The following EEPD1 variants were observed in gnomAD, a reference collection of about 807,000 sequenced individuals.
The protein encoded by EEPD1 is endonuclease/exonuclease/phosphatase family domain containing 1.
In EEPD1, 17 loss-of-function variants were observed where a neutral mutation model predicts 46.3. The observed-to-expected ratio is 0.37, with a 90% CI of 0.25 to 0.55. The LOEUF (loss-of-function observed/expected upper bound fraction) is 0.55. Ranked by LOEUF, EEPD1 falls within the 20% of genes least tolerant of loss-of-function variation. The pLI, the probability that EEPD1 is intolerant of heterozygous loss-of-function variation, is 0.83. For missense variants in EEPD1, 673 were observed against 745.6 expected, an observed-to-expected ratio of 0.90 and a Z score of 1.13; for synonymous variants, 313 against 315.6, an observed-to-expected ratio of 0.99 and a Z score of 0.09.
chr7:36,219,775 A>AAGAG (rs752270283), intron 2 of EEPD1, among the ~76,000 whole-genome samples: 25 of 119,004 alleles, frequency 2.1e-4, no homozygotes, highest in African/African-American at 8.3e-4. Flanking sequence ...GAGAGAGAGA[A>AAGAG]AGAGAGAGAG....
At position 36,154,690 on chromosome 7, in the gene EEPD1, G is replaced by A. The variant is rs760636764; in HGVS notation, c.366G>A (p.Gln122=). 1 of 1,613,510 alleles carries A rather than the reference G, an allele frequency of 6.2e-7. No homozygotes were observed. Among genetic ancestry groups the A allele is most frequent in the Non-Finnish European group, 8.5e-7 (1 of 1,179,952 alleles). Reference sequence around the variant, plus strand: ...TGCGGCGGGACCTGCTAGCGGAGCAGCAGCCTCACCACCTGGCCACAGCTG... The same window carrying A: ...TGCGGCGGGACCTGCTAGCGGAGCAACAGCCTCACCACCTGGCCACAGCTG... ...SSLRRDLLAE[Q]QPHHLATAVP... Residue 122 remains glutamine (Q), a synonymous_variant, in exon 2 of 8, where the codon CAG becomes CAA. Coordinates refer to ENST00000242108, the MANE Select transcript of EEPD1 (RefSeq NM_030636.3). The surrounding 1 kb of genome is among the most constrained non-coding windows in gnomAD (Gnocchi z 4.2).
chr7:36,172,711 C>T (rs1184225904), intron 2 of EEPD1, among the ~76,000 whole-genome samples: 1 of 150,358 alleles, frequency 6.7e-6, no homozygotes, highest in Non-Finnish European at 1.5e-5. Context: ...CCATTGTGGC[C>T]CAGGGAAGCC....
chr7:36,289,712 T>C (rs1304623346), intron 6 of EEPD1, among the ~76,000 whole-genome samples: 1 of 152,224 alleles, frequency 6.6e-6, no homozygotes, highest in Non-Finnish European at 1.5e-5. Context: ...GCCAGGATGG[T>C]CTCAATCTCC....
chr7:36,248,533 T>C lies in EEPD1; in HGVS notation c.930+9497T>C, dbSNP rs1010561996. On this transcript the variant is annotated intron_variant, in intron 3 of 7. Coordinates refer to ENST00000242108, the MANE Select transcript of EEPD1 (RefSeq NM_030636.3). ...GATACTCTTTTTTTTTTTTTTTTTTTCCAAAAAAACACTGTGTTATTTCAA... is the reference window on the plus strand; with the variant it reads ...GATACTCTTTTTTTTTTTTTTTTTTCCCAAAAAAACACTGTGTTATTTCAA... 3.4e-3 allele frequency among the ~76,000 whole-genome samples: 438 copies of C among 129,752 alleles called. 2 individuals carry two copies. Among genetic ancestry groups the C allele is most frequent in the Non-Finnish European group, 4.9e-3 (301 of 60,870 alleles). 85.1% of individuals were successfully genotyped at this position (129,752 alleles called of 152,430 possible). A position where few individuals can be genotyped will look rare whatever the true frequency, so the allele number is the denominator to read the frequency against.
At chr7:36,288,953 G>A (rs1199923989) in intron 6 of EEPD1, among the ~76,000 whole-genome samples, 3 of 152,148 alleles carry the variant, frequency 2.0e-5, no homozygotes, top group Non-Finnish European at 4.4e-5. Flanking sequence ...TTGGAGGCTT[G>A]GAATTCTCTT....
At chr7:36,176,809 A>C (rs967681819) in intron 2 of EEPD1, among the ~76,000 whole-genome samples, 5 of 152,252 alleles carry the variant, frequency 3.3e-5, no homozygotes, top group Non-Finnish European at 7.3e-5. Context: ...TACGGTGAGG[A>C]AAAAGAAGTG....
intron 3 of EEPD1, among the ~76,000 whole-genome samples, chr7:36,253,634 A>G (rs1274179622): frequency 6.6e-6 from 1 of 152,116 alleles, no homozygotes; most frequent in Non-Finnish European, 1.5e-5. Flanking sequence ...TTAGCTACAC[A>G]TATATTTATA....
At chr7:36,257,701 G>C (rs1024366578) in intron 3 of EEPD1, among the ~76,000 whole-genome samples, 3 of 152,034 alleles carry the variant, frequency 2.0e-5, no homozygotes, top group Non-Finnish European at 4.4e-5. Flanking sequence ...CTTTAAACTG[G>C]TTATTCTACT....
chr7:36,239,654 G>A (rs1786520190), intron 3 of EEPD1, among the ~76,000 whole-genome samples: 1 of 152,168 alleles, frequency 6.6e-6, no homozygotes, highest in South Asian at 2.1e-4. Flanking sequence ...AGTGTGTCTC[G>A]GCTTTCTATG....
chr7:36,180,186 C>T (rs1045455738), intron 2 of EEPD1, among the ~76,000 whole-genome samples: 3 of 152,320 alleles, frequency 2.0e-5, no homozygotes, highest in Non-Finnish European at 2.9e-5. Context: ...TTTAGAATAA[C>T]TAGCTGATAC....
intron 3 of EEPD1, among the ~76,000 whole-genome samples, chr7:36,273,971 C>T (rs1787149142): frequency 6.6e-6 from 1 of 152,208 alleles, no homozygotes; most frequent in African/African-American, 2.4e-5. Flanking sequence ...AGCTCCTGGG[C>T]CAGTAGGAAT....
In EEPD1 at chr7:36,176,152, A is replaced by G. The variant is rs113712074; in HGVS notation, c.878+20950A>G. On this transcript the variant is annotated intron_variant, in intron 2 of 7. Transcript: ENST00000242108. ...AGCAGATCCACTGCCCTGGTGATGCAGTGGGGGAAAGGGTGGGGCCTGGCC... is the reference window on the plus strand; with the variant it reads ...AGCAGATCCACTGCCCTGGTGATGCGGTGGGGGAAAGGGTGGGGCCTGGCC... Among the ~76,000 whole-genome samples the G allele has an allele frequency of 5.2e-3, 791 of 152,312 alleles. 6 individuals carry two copies. The highest frequency in any genetic ancestry group is 0.018 in the African/African-American group (730 of 41,562).
intron 6 of EEPD1, among the ~76,000 whole-genome samples, chr7:36,294,028 A>G (rs1325514341): frequency 2.0e-5 from 3 of 149,858 alleles, no homozygotes; most frequent in Non-Finnish European, 3.0e-5. Context: ...TACTGATAAG[A>G]AAAAAAAAAG....
At chr7:36,176,212 A>C (rs1430128604) in intron 2 of EEPD1, among the ~76,000 whole-genome samples, 1 of 152,198 alleles carries the variant, frequency 6.6e-6, no homozygotes, top group Non-Finnish European at 1.5e-5. Flanking sequence ...GGCCCCTGGG[A>C]AGGAAGATTC....
At chr7:36,171,315 A>AAT (rs5883535) in intron 2 of EEPD1, among the ~76,000 whole-genome samples, 63,753 of 151,906 alleles carry the variant, frequency 0.42, 13,755 homozygotes, top group Middle Eastern at 0.49. Context: ...GATACACAAA[A>AAT]GAGTGGACCC....
chr7:36,265,442 C>T (rs1786999095), intron 3 of EEPD1, among the ~76,000 whole-genome samples: 2 of 152,178 alleles, frequency 1.3e-5, no homozygotes, highest in Admixed American at 6.5e-5. Context: ...GAAAATATAT[C>T]CCTGGGGTTT....
intron 5 of EEPD1, among the ~76,000 whole-genome samples, chr7:36,286,497 A>G (rs374768768): frequency 4.6e-5 from 7 of 152,342 alleles, no homozygotes; most frequent in African/African-American, 1.4e-4. Context: ...ATGGAAGGGC[A>G]AGATTGCTAA....
At chr7:36,263,613 C>G (rs1028084962) in intron 3 of EEPD1, among the ~76,000 whole-genome samples, 6 of 152,160 alleles carry the variant, frequency 3.9e-5, no homozygotes, top group African/African-American at 1.4e-4. Context: ...ATGTACAATT[C>G]GAAGGGGTAA....
At chr7:36,265,167 C>T (rs1466938108) in intron 3 of EEPD1, among the ~76,000 whole-genome samples, 2 of 152,190 alleles carry the variant, frequency 1.3e-5, no homozygotes, top group Non-Finnish European at 2.9e-5. Context: ...GAGCGATTTC[C>T]CTGAGGGTCC....
Sources: allele counts gnomAD v4.1 joint callset (sites outside exome capture counted in the v4.1 genomes callset), GRCh38; gene constraint gnomAD v4.1.1; non-coding constraint Gnocchi (gnomAD v3.1); transcripts MANE v1.5; gene names NCBI Gene and HGNC (gene_info 2026-07-23, HGNC 2026-07-21).